The following CPPED1 variants were observed in gnomAD, a reference collection of about 807,000 sequenced individuals.
CPPED1 encodes serine/threonine-protein phosphatase CPPED1.
In CPPED1, 28 loss-of-function variants were observed where a neutral mutation model predicts 28.0. The observed-to-expected ratio is 1.00, with a 90% CI of 0.74 to 1.37. CPPED1 has a LOEUF of 1.37. Ranked by LOEUF, CPPED1 falls within the 40% of genes most tolerant of loss-of-function variation. The pLI is 0.00. For missense variants in CPPED1, 504 were observed against 416.5 expected (o/e 1.21, Z -1.83); for synonymous variants, 198 against 180.2 (o/e 1.10, Z -0.79).
intron 3 of CPPED1, among the ~76,000 whole-genome samples, chr16:12,685,867 T>C (rs1401523317): frequency 6.6e-6 from 1 of 152,222 alleles, no homozygotes; most frequent in East Asian, 1.9e-4. Flanking sequence ...TATGTTTCTT[T>C]TAAAAAGTCC....
chr16:12,786,527 T>C (rs780626406), intron 1 of CPPED1, among the ~76,000 whole-genome samples: 3 of 152,334 alleles, frequency 2.0e-5, no homozygotes, highest in African/African-American at 4.8e-5. Context: ...AGGTCATGGA[T>C]TTGGCCCTAA....
intron 2 of CPPED1, among the ~76,000 whole-genome samples, chr16:12,756,011 G>C (rs560670255): frequency 6.6e-6 from 1 of 152,206 alleles, no homozygotes; most frequent in African/African-American, 2.4e-5. Flanking sequence ...GGCACCTGTA[G>C]TCCCAGCTAC....
At chr16:12,775,221 C>T (rs117709355) in intron 2 of CPPED1, among the ~76,000 whole-genome samples, 1 of 152,286 alleles carries the variant, frequency 6.6e-6, no homozygotes, top group East Asian at 1.9e-4. Context: ...GAGTCCCCAC[C>T]AGCAAGAAGG....
chr16:12,788,519 CAG>C (rs2080577673), intron 1 of CPPED1, among the ~76,000 whole-genome samples: 1 of 152,092 alleles, frequency 6.6e-6, no homozygotes, highest in Non-Finnish European at 1.5e-5. Context: ...GAAGGACTCT[CAG>C]AGTTACTGTA....
intron 2 of CPPED1, among the ~76,000 whole-genome samples, chr16:12,718,849 G>C (rs2080122080): frequency 6.6e-6 from 1 of 152,150 alleles, no homozygotes; most frequent in African/African-American, 2.4e-5. Flanking sequence ...AATAATAGCA[G>C]CTATTTGGTA....
At position 12,803,729 on chromosome 16, in the gene CPPED1, C is replaced by A. The variant is rs376260811; in HGVS notation, c.48G>T (p.Arg16Ser). 5.7e-6 allele frequency: 9 copies of A among 1,592,582 alleles called. No homozygotes were observed. The highest frequency in any genetic ancestry group is 1.7e-4 in the Middle Eastern group (1 of 6,040). ...TACCTGCGGGAAACGCGGCCAGGGTCCTGCCCCTGGCTCTGTGGAAAACAC... is the reference window on the plus strand; with the variant it reads ...TACCTGCGGGAAACGCGGCCAGGGTACTGCCCCTGGCTCTGTGGAAAACAC... ...AGGVFHRARG[R>S]TLAAFPAEKE... Residue 16 changes from arginine (R) to serine (S), a missense_variant, in exon 1 of 4, where the codon AGG (arginine) becomes AGT (serine). Coordinates refer to ENST00000381774, the MANE Select transcript of CPPED1 (RefSeq NM_018340.3).
At chr16:12,760,339 G>A (rs945283269) in intron 2 of CPPED1, 1 of 152,200 alleles carries the variant, frequency 6.6e-6, no homozygotes, top group Non-Finnish European at 1.5e-5. Flanking sequence ...AAAGGATGAT[G>A]ATAATTGATT....
In CPPED1 at chr16:12,773,703, G is replaced by C. The variant is rs148295683; in HGVS notation, c.289+7482C>G. On this transcript the variant is annotated intron_variant, in intron 2 of 3. Transcript: ENST00000381774. Reference sequence around the variant, plus strand: ...GACACTGTACCCAGCCTGGGCGACAGAGTGAGGCTGTGCCTCAAAAAATAA... The same window carrying C: ...GACACTGTACCCAGCCTGGGCGACACAGTGAGGCTGTGCCTCAAAAAATAA... 4.5e-3 allele frequency among the ~76,000 whole-genome samples: 679 copies of C among 152,302 alleles called. 5 individuals are homozygous for C. Among genetic ancestry groups the C allele is most frequent in the African/African-American group, 0.016 (649 of 41,570 alleles).
At chr16:12,791,269 A>C (rs1596487015) in intron 1 of CPPED1, among the ~76,000 whole-genome samples, 2 of 151,766 alleles carry the variant, frequency 1.3e-5, no homozygotes, top group Non-Finnish European at 2.9e-5. Flanking sequence ...CCTGTGTCCA[A>C]GTGTTCTCAT....
chr16:12,731,036 A>C (rs1421037568), intron 2 of CPPED1, among the ~76,000 whole-genome samples: 2 of 152,142 alleles, frequency 1.3e-5, no homozygotes, highest in Non-Finnish European at 2.9e-5. Context: ...TTTAGTCTTT[A>C]TAAAGAGTAA....
intron 2 of CPPED1, among the ~76,000 whole-genome samples, chr16:12,730,768 T>C (rs1446512612): frequency 1.3e-5 from 2 of 152,182 alleles, no homozygotes; most frequent in Admixed American, 6.5e-5. Flanking sequence ...TGACAGAACG[T>C]TGACTGACAG....
chr16:12,715,195 G>A (rs907925735), intron 2 of CPPED1, among the ~76,000 whole-genome samples: 1 of 152,034 alleles, frequency 6.6e-6, no homozygotes, highest in South Asian at 2.1e-4. Flanking sequence ...ATGACTGCAG[G>A]CTTCTAGTAA....
At chr16:12,784,316 A>C (rs2080549792) in intron 1 of CPPED1, among the ~76,000 whole-genome samples, 1 of 152,168 alleles carries the variant, frequency 6.6e-6, no homozygotes, top group Non-Finnish European at 1.5e-5. Flanking sequence ...TTCAGATGAC[A>C]CCACAGCCCC....
chr16:12,802,197 G>A lies in CPPED1; in HGVS notation c.70+1510C>T, dbSNP rs566841303. 8.5e-5 allele frequency among the ~76,000 whole-genome samples: 13 copies of A among 152,264 alleles called. No homozygotes were observed. The South Asian group carries it at 1.7e-3, about 19-fold the overall frequency. On this transcript the variant is annotated intron_variant, in intron 1 of 3. Transcript: ENST00000381774. ...TGGAGAGGCAAAGGGAAGATATTCA[G>A]CATATACATCAACAGAATGTATAAG...
At chr16:12,780,171 TTTTG>T (rs1386593405) in intron 2 of CPPED1, among the ~76,000 whole-genome samples, 3 of 151,672 alleles carry the variant, frequency 2.0e-5, no homozygotes, top group South Asian at 2.1e-4. Flanking sequence ...GGACTTTGTT[TTTTG>T]TTTGTTTGTG....
At chr16:12,793,275 G>A (rs951497962) in intron 1 of CPPED1, among the ~76,000 whole-genome samples, 4 of 152,244 alleles carry the variant, frequency 2.6e-5, no homozygotes, top group Non-Finnish European at 4.4e-5. Flanking sequence ...CTGATTGCAA[G>A]ACAGAGTGGC....
At chr16:12,666,348 TAGA>T (rs1352081974) in intron 3 of CPPED1, among the ~76,000 whole-genome samples, 2 of 152,068 alleles carry the variant, frequency 1.3e-5, no homozygotes, top group Non-Finnish European at 2.9e-5. Context: ...GTTCAGCTCT[TAGA>T]AGATCATAGA....
chr16:12,739,739 C>G (rs1271778302), intron 2 of CPPED1, among the ~76,000 whole-genome samples: 2 of 152,132 alleles, frequency 1.3e-5, no homozygotes, highest in Admixed American at 6.6e-5. Context: ...AGCCTCCTCT[C>G]TAGTTAGAGG....
intron 2 of CPPED1, among the ~76,000 whole-genome samples, chr16:12,742,739 A>G (rs1263982157): frequency 6.6e-6 from 1 of 152,142 alleles, no homozygotes; most frequent in African/African-American, 2.4e-5. Context: ...TGGGGAAACG[A>G]CAGTTGTTGG....
Sources: allele counts gnomAD v4.1 joint callset (sites outside exome capture counted in the v4.1 genomes callset), GRCh38; gene constraint gnomAD v4.1.1; transcripts MANE v1.5; gene names NCBI Gene and HGNC (gene_info 2026-07-23, HGNC 2026-07-21).